Variants in PDE3B observed in about 807,000 individuals in gnomAD.
PDE3B encodes the protein phosphodiesterase 3B, also known as cGMP-inhibited 3',5'-cyclic phosphodiesterase 3B.
PDE3B carries 66 observed loss-of-function variants against 116.8 expected under a neutral mutation model. The ratio of observed to expected loss-of-function variants is 0.56; its 90% confidence interval spans 0.46 to 0.69. The LOEUF (loss-of-function observed/expected upper bound fraction) is 0.69, where lower values mean the gene tolerates loss of function less well. PDE3B is among the 30% of genes least tolerant of loss of function. PDE3B has a pLI of 0.00. For missense variants in PDE3B, 1,384 were observed against 1,368.1 expected, an observed-to-expected ratio of 1.01 and a Z score of -0.18; for synonymous variants, 595 against 533.6, an observed-to-expected ratio of 1.12 and a Z score of -1.59.
chr11:14,721,112 A>T lies in PDE3B; in HGVS notation c.979-50825A>T, dbSNP rs1466644898. Reference sequence around the variant, plus strand: ...AAACAACCCCATCAAAAAGTGGGCAAAGGACATGAACAGACACTTCTCAAA... The same window carrying T: ...AAACAACCCCATCAAAAAGTGGGCATAGGACATGAACAGACACTTCTCAAA... On this transcript the variant is annotated intron_variant, in intron 1 of 15. Coordinates refer to ENST00000282096, the MANE Select transcript of PDE3B (RefSeq NM_000922.4). Among the ~76,000 whole-genome samples, 512 of 149,750 alleles carry T rather than the reference A, an allele frequency of 3.4e-3. 2 individuals carry two copies. Among genetic ancestry groups the T allele is most frequent in the South Asian group, 7.5e-3 (35 of 4,666 alleles).
intron 12 of PDE3B, 52 bp from the exon 13 acceptor site, chr11:14,858,991 A>C: frequency 7.8e-7 from 1 of 1,280,086 alleles, no homozygotes; most frequent in East Asian, 2.3e-5. Context: ...TAAAGATATT[A>C]AACTTTAATA....
At chr11:14,777,780 C>G (rs1183949593) in intron 2 of PDE3B, among the ~76,000 whole-genome samples, 1 of 152,148 alleles carries the variant, frequency 6.6e-6, no homozygotes, top group African/African-American at 2.4e-5. Flanking sequence ...CTGGGTTCAT[C>G]TCTCTGGGGC....
chr11:14,761,313 A>G (rs1857354163), intron 1 of PDE3B, among the ~76,000 whole-genome samples: 1 of 152,166 alleles, frequency 6.6e-6, no homozygotes, highest in African/African-American at 2.4e-5. Context: ...GTTTGGGAAA[A>G]TAAGTTATTT....
At chr11:14,682,193 C>T (rs1854730715) in intron 1 of PDE3B, among the ~76,000 whole-genome samples, 1 of 152,104 alleles carries the variant, frequency 6.6e-6, no homozygotes, top group South Asian at 2.1e-4. Flanking sequence ...TAGTCTGTCT[C>T]AGGGGTGGCA....
intron 1 of PDE3B, among the ~76,000 whole-genome samples, chr11:14,711,555 G>A (rs1163353432): frequency 6.6e-6 from 1 of 152,128 alleles, no homozygotes; most frequent in Non-Finnish European, 1.5e-5. Flanking sequence ...ACATCATATG[G>A]CCAGAGCAGG....
chr11:14,660,347 G>C (rs532511530), intron 1 of PDE3B, among the ~76,000 whole-genome samples: 1 of 151,306 alleles, frequency 6.6e-6, no homozygotes, highest in African/African-American at 2.4e-5. Context: ...TGTTGCCCAG[G>C]CTGGAGTGCA....
At chr11:14,848,926 G>C (rs1173881371) in intron 12 of PDE3B, among the ~76,000 whole-genome samples, 1 of 152,182 alleles carries the variant, frequency 6.6e-6, no homozygotes, top group African/African-American at 2.4e-5. Context: ...GTAATTTATA[G>C]ATTCAATGCC....
chr11:14,832,784 A>T lies in PDE3B; in HGVS notation c.2157A>T (p.Gln719His). The T allele has an allele frequency of 6.5e-7, 1 of 1,543,724 alleles. No individual in the cohort carries two copies. The highest frequency in any genetic ancestry group is 2.3e-5 in the East Asian group (1 of 43,666). ...AAATATTTAAAATTCCCACTCAACA[A>T]TTTATGAACTATTTTCGTGCATTAG... ...LLEIFKIPTQ[Q>H]FMNYFRALEN... The change falls in exon 10 of 16, where the codon CAA becomes CAT. Residue 719 changes from glutamine (Q) to histidine (H), a missense_variant. Transcript: ENST00000282096.
At chr11:14,740,881 G>T (rs940479765) in intron 1 of PDE3B, among the ~76,000 whole-genome samples, 4 of 152,152 alleles carry the variant, frequency 2.6e-5, no homozygotes, top group African/African-American at 9.7e-5. Flanking sequence ...TCAGGAGCAG[G>T]TTGTTCAGTT....
intron 1 of PDE3B, chr11:14,674,313 C>T (rs1854464590): frequency 1.0e-6 from 1 of 984,376 alleles, no homozygotes; most frequent in Admixed American, 1.8e-5. Context: ...CATACTGCTC[C>T]TGATTGGCTT....
At chr11:14,758,717 G>C (rs1184954116) in intron 1 of PDE3B, among the ~76,000 whole-genome samples, 1 of 151,088 alleles carries the variant, frequency 6.6e-6, no homozygotes, top group African/African-American at 2.5e-5. Context: ...GAGACGATGG[G>C]GTTTTCTAGA....
At chr11:14,875,164 AC>A (rs1848178453), downstream of PDE3B, among the ~76,000 whole-genome samples, 1 of 151,886 alleles carries the variant, frequency 6.6e-6, no homozygotes, top group Admixed American at 6.6e-5. Context: ...ATTTCTTTCC[AC>A]TTTTAGAAAA....
intron 3 of PDE3B, 152 bp from the exon 4 acceptor site, chr11:14,788,954 A>C: frequency 2.0e-6 from 1 of 492,498 alleles, no homozygotes; most frequent in East Asian, 3.5e-5. Flanking sequence ...AATTTGGAGT[A>C]AATTGACAGA....
chr11:14,857,486 T>C (rs1555006362), intron 12 of PDE3B, among the ~76,000 whole-genome samples: 1 of 152,188 alleles, frequency 6.6e-6, no homozygotes, highest in Admixed American at 6.5e-5. Flanking sequence ...CTACTGGGGA[T>C]CAGCAGGGAA....
chr11:14,655,277 A>G (rs2133753405), intron 1 of PDE3B, among the ~76,000 whole-genome samples: 2 of 152,312 alleles, frequency 1.3e-5, no homozygotes, highest in African/African-American at 4.8e-5. Flanking sequence ...ATTCACCAAG[A>G]AGATAAAATT....
chr11:14,754,595 A>G (rs182131325), intron 1 of PDE3B, among the ~76,000 whole-genome samples: 54 of 152,272 alleles, frequency 3.5e-4, no homozygotes, highest in African/African-American at 1.3e-3. Context: ...TTTGTATATG[A>G]CAACGTTTTG....
chr11:14,686,414 T>C (rs1214458993), intron 1 of PDE3B, among the ~76,000 whole-genome samples: 2 of 152,214 alleles, frequency 1.3e-5, no homozygotes, highest in African/African-American at 4.8e-5. Flanking sequence ...AAGAAAATAA[T>C]AACAGTGATT....
chr11:14,844,372 G>A (rs1847541798), intron 12 of PDE3B, among the ~76,000 whole-genome samples: 1 of 152,216 alleles, frequency 6.6e-6, no homozygotes, highest in African/African-American at 2.4e-5. Flanking sequence ...TGGCCGAATA[G>A]GAACAGCTCT....
chr11:14,757,950 A>G (rs1590119813), intron 1 of PDE3B, among the ~76,000 whole-genome samples: 3 of 151,086 alleles, frequency 2.0e-5, no homozygotes, highest in African/African-American at 7.3e-5. Context: ...TAACGTTTAA[A>G]TCTTTAATCC....
Sources: gnomAD v4.1 joint callset for allele counts (sites outside exome capture counted in the v4.1 genomes callset) on GRCh38, gnomAD v4.1.1 for gene constraint, MANE v1.5 for transcripts, NCBI Gene and HGNC (gene_info 2026-07-23, HGNC 2026-07-21) for gene names.